Variants in COA1 observed in about 807,000 individuals in gnomAD.
COA1 encodes the protein cytochrome c oxidase assembly factor 1 homolog.
Under a neutral mutation model 16.0 loss-of-function variants are expected in COA1, and 13 were observed. The ratio of observed to expected loss-of-function variants is 0.81; its 90% CI spans 0.53 to 1.29. The LOEUF is 1.29. Among genes scored for constraint, COA1 ranks in the 50% most tolerant of loss-of-function variants. The pLI, the probability that COA1 is intolerant of heterozygous loss-of-function variation, is 0.00. For synonymous variants in COA1, 65 were observed against 65.7 expected, an observed-to-expected ratio of 0.99 and a Z score of 0.05; for missense variants, 179 against 177.0, an observed-to-expected ratio of 1.01 and a Z score of -0.06.
intron 6 of COA1, chr7:43,623,107 T>C (rs1216522310): frequency 6.5e-6 from 1 of 153,442 alleles, no homozygotes; most frequent in African/African-American, 2.4e-5. Context: ...GGTAGATGTT[T>C]TAAAAAGCTC....
chr7:43,720,065 G>T (rs2095475828), intron 1 of COA1, among the ~76,000 whole-genome samples: 1 of 152,000 alleles, frequency 6.6e-6, no homozygotes, highest in Non-Finnish European at 1.5e-5. Context: ...GGTCACTTGA[G>T]GTCAGGAGTT....
downstream of COA1, among the ~76,000 whole-genome samples, chr7:43,638,566 C>CTTTTTTTTTT (rs746584234): frequency 1.0e-5 from 1 of 97,426 alleles, no homozygotes; most frequent in Non-Finnish European, 2.1e-5. Context: ...TTTTTCTTTC[C>CTTTTTTTTTT]TTTTTTTTTT....
chr7:43,707,648 G>C (rs2095046235), intron 1 of COA1, among the ~76,000 whole-genome samples: 1 of 151,996 alleles, frequency 6.6e-6, no homozygotes, highest in Admixed American at 6.5e-5. Context: ...TTTGTGTGTG[G>C]GTTTTGTTCA....
rs1278657638 is a variant in COA1 at position 43,610,638 on chromosome 7, G to C, written c.*134-1143C>G. Among the ~76,000 whole-genome samples, 3 of 152,236 alleles carry C rather than the reference G, an allele frequency of 2.0e-5. No individual in the cohort carries two copies. In the East Asian group the frequency reaches 5.8e-4, roughly 29 times the overall value. On this transcript the variant is annotated intron_variant and NMD_transcript_variant, in intron 6 of 6. Coordinates refer to the COA1 transcript ENST00000415076. ...GCTGAGATCACGCCATTGCACTCTAGCCTAGGCAACAGAGCGAGACTTCGT... is the reference window on the plus strand; with the variant it reads ...GCTGAGATCACGCCATTGCACTCTACCCTAGGCAACAGAGCGAGACTTCGT...
At chr7:43,645,625 C>A in intron 3 of COA1, 1 of 473,768 alleles carries the variant, frequency 2.1e-6, no homozygotes, top group East Asian at 3.9e-5. Flanking sequence ...TGACCTTGGG[C>A]CTTGACCTCA....
intron 6 of COA1, among the ~76,000 whole-genome samples, chr7:43,618,205 C>T (rs574567931): frequency 2.6e-5 from 4 of 152,158 alleles, no homozygotes; most frequent in East Asian, 1.9e-4. Context: ...GGAGCAGGGA[C>T]GGGGCAGCCA....
chr7:43,716,275 TC>T (rs1237997714), intron 1 of COA1, among the ~76,000 whole-genome samples: 1 of 152,146 alleles, frequency 6.6e-6, no homozygotes, highest in Admixed American at 6.5e-5. Context: ...GTTTGGAACT[TC>T]CTAGAGACTT....
chr7:43,612,315 T>C (rs540340637), intron 6 of COA1, among the ~76,000 whole-genome samples: 8 of 152,244 alleles, frequency 5.3e-5, no homozygotes, highest in African/African-American at 1.9e-4. Context: ...AGAGATGGGG[T>C]TGGTATGGCA....
intron 6 of COA1, among the ~76,000 whole-genome samples, chr7:43,615,006 C>G (rs1016327758): frequency 6.6e-6 from 1 of 152,118 alleles, no homozygotes; most frequent in African/African-American, 2.4e-5. Context: ...ACAAGAAAAT[C>G]TCAAGATTTG....
intron 1 of COA1, among the ~76,000 whole-genome samples, chr7:43,661,796 CA>C (rs1211246834): frequency 6.6e-6 from 1 of 151,914 alleles, no homozygotes; most frequent in Non-Finnish European, 1.5e-5. Context: ...AAACCATTTT[CA>C]AAAAAACACT....
chr7:43,717,696 G>A (rs183181258), intron 1 of COA1, among the ~76,000 whole-genome samples: 2 of 152,130 alleles, frequency 1.3e-5, no homozygotes, highest in Non-Finnish European at 2.9e-5. Context: ...CAGGGGCCGG[G>A]GGGGGAACAA....
At chr7:43,628,292 T>C (rs2084807704) in intron 6 of COA1, among the ~76,000 whole-genome samples, 1 of 151,052 alleles carries the variant, frequency 6.6e-6, no homozygotes, top group South Asian at 2.1e-4. Flanking sequence ...ATGCCCAGCC[T>C]GGTTTGTTCC....
At position 43,639,304 on chromosome 7, in the gene COA1, T is replaced by G. The variant is rs1435646507; in HGVS notation, c.*278A>C. On this transcript the variant is annotated 3_prime_UTR_variant, in exon 6 of 6. Coordinates refer to ENST00000223336, the MANE Select transcript of COA1 (RefSeq NM_018224.4). The stretch of plus-strand genomic sequence containing the variant: ...AATTCTGATTCCTTTTATCATGTGC[T>G]TTTTTATACAAAGCACTTTCAAATA... 2 of 240,312 alleles carry G rather than the reference T, an allele frequency of 8.3e-6. No homozygotes were observed. The highest frequency in any genetic ancestry group is 1.6e-5 in the Non-Finnish European group (2 of 123,968). 14.9% of individuals were successfully genotyped at this position (240,312 alleles called of 1,614,324 possible). A position where few individuals can be genotyped will look rare whatever the true frequency, so the allele number is the denominator to read the frequency against.
chr7:43,644,744 A>AGATAGATAGATAGATAGATAGATAGATG (rs1554501198), intron 4 of COA1, among the ~76,000 whole-genome samples: 1 of 90,364 alleles, frequency 1.1e-5, no homozygotes, highest in Non-Finnish European at 2.5e-5. Context: ...ATAGATAGAT[A>AGATAGATAGATAGATAGATAGATAGATG]GATAGATAGA....
intron 1 of COA1, among the ~76,000 whole-genome samples, chr7:43,710,394 A>ATATTTTTT (rs1417053077): frequency 1.0e-4 from 14 of 135,390 alleles, no homozygotes; most frequent in African/African-American, 3.8e-4. Flanking sequence ...ATATATATAT[A>ATATTTTTT]TTTTTAAGAT....
intron 3 of COA1, chr7:43,647,145 CA>C: frequency 4.3e-6 from 1 of 231,070 alleles, no homozygotes; most frequent in African/African-American, 2.3e-5. Context: ...AATGAAAGTG[CA>C]AAAAAAGTCT....
chr7:43,689,404 T>C (rs1489436846), intron 1 of COA1, among the ~76,000 whole-genome samples: 3 of 152,066 alleles, frequency 2.0e-5, no homozygotes, highest in Non-Finnish European at 4.4e-5. Context: ...TGGTCAGAAA[T>C]GAGGGGTCTC....
At chr7:43,659,110 C>G (rs1160904787) in intron 1 of COA1, 1 of 152,234 alleles carries the variant, frequency 6.6e-6, no homozygotes, top group Non-Finnish European at 1.5e-5. Context: ...CATGGCAGAG[C>G]TGGTGGTGGC....
chr7:43,623,895 ATTATTT>A, intron 6 of COA1: 1 of 1,479,366 alleles, frequency 6.8e-7, no homozygotes, highest in East Asian at 2.4e-5. Context: ...CTGAGTAAGT[ATTATTT>A]TTATTAGTTT....
Sources: gnomAD v4.1 joint callset for allele counts (sites outside exome capture counted in the v4.1 genomes callset) on GRCh38, gnomAD v4.1.1 for gene constraint, MANE v1.5 for transcripts, NCBI Gene and HGNC (gene_info 2026-07-23, HGNC 2026-07-21) for gene names.